MSI2: variants seen among roughly 807,000 people sequenced by gnomAD.
The protein encoded by MSI2 is RNA-binding protein Musashi homolog 2.
Under a neutral mutation model 45.6 loss-of-function variants are expected in MSI2, and 17 were observed. The observed-to-expected ratio is 0.37, with a 90% CI of 0.26 to 0.56. The LOEUF (loss-of-function observed/expected upper bound fraction) is 0.56. MSI2 is among the 20% of genes least tolerant of loss of function. The pLI, the probability that MSI2 is intolerant of heterozygous loss-of-function variation, is 0.77. For synonymous variants in MSI2, 156 were observed against 158.2 expected, an observed-to-expected ratio of 0.99 and a Z score of 0.11; for missense variants, 293 against 444.2, an observed-to-expected ratio of 0.66 and a Z score of 3.06.
At chr17:57,525,577 G>A (rs2086680342) in intron 6 of MSI2, among the ~76,000 whole-genome samples, 1 of 152,132 alleles carries the variant, frequency 6.6e-6, no homozygotes, top group South Asian at 2.1e-4. Flanking sequence ...ACATGAGCCA[G>A]CATATCCGGC....
chr17:57,562,720 A>G (rs1183876418), intron 7 of MSI2, among the ~76,000 whole-genome samples: 1 of 152,244 alleles, frequency 6.6e-6, no homozygotes, highest in African/African-American at 2.4e-5. Flanking sequence ...GTGGCTAACA[A>G]ATCAGATCCT....
At chr17:57,658,360 C>T (rs887958018) in intron 11 of MSI2, among the ~76,000 whole-genome samples, 4 of 152,230 alleles carry the variant, frequency 2.6e-5, no homozygotes, top group African/African-American at 7.2e-5. Flanking sequence ...TCTCAGTCTA[C>T]TGCCATGTGT....
Position 57,308,952 on chromosome 17 carries a change from G to A in MSI2, c.312+46760G>A, listed in dbSNP as rs369546989. On this transcript the variant is annotated intron_variant, in intron 5 of 13. Coordinates refer to ENST00000284073, the MANE Select transcript of MSI2 (RefSeq NM_138962.4). ...TGGAGGAAACTGAGTTCAGTTACTCGTGCAAGGCCACAGAGCTGTCACCTG... is the reference window on the plus strand; with the variant it reads ...TGGAGGAAACTGAGTTCAGTTACTCATGCAAGGCCACAGAGCTGTCACCTG... Among the ~76,000 whole-genome samples the A allele has an allele frequency of 1.6e-4, 25 of 152,222 alleles. No individual in the cohort carries two copies. The South Asian group carries it at 3.7e-3, about 23-fold the overall frequency.
At chr17:57,327,611 C>T (rs1913912274) in intron 5 of MSI2, among the ~76,000 whole-genome samples, 1 of 152,148 alleles carries the variant, frequency 6.6e-6, no homozygotes. Context: ...GGGCCCCAAT[C>T]CTTTGCTCCT....
At chr17:57,645,706 G>T (rs985378041) in intron 10 of MSI2, among the ~76,000 whole-genome samples, 1 of 151,916 alleles carries the variant, frequency 6.6e-6, no homozygotes, top group Admixed American at 6.6e-5. Context: ...TCTCCCAAAG[G>T]CATGAGACAC....
intron 5 of MSI2, among the ~76,000 whole-genome samples, chr17:57,276,016 T>C (rs1369435068): frequency 6.6e-6 from 1 of 152,092 alleles, no homozygotes; most frequent in African/African-American, 2.4e-5. Flanking sequence ...AGCATCTCTT[T>C]GGGAAGGGCT....
intron 5 of MSI2, among the ~76,000 whole-genome samples, chr17:57,399,599 G>A (rs146023970): frequency 0.068 from 10,212 of 150,074 alleles, 248 homozygotes; most frequent in African/African-American, 0.11. Flanking sequence ...TGGAGTCTAC[G>A]AGCTCCAAGT....
rs1041913263 is a variant in MSI2 at position 57,652,444 on chromosome 17, T to C, written c.790+283T>C. ...ACAAACCTGAGTTTCTTTTTGACTT[T>C]GACCATCCCGTCACCTGACAGCTAG... is the stretch of plus-strand genomic sequence containing the variant. On this transcript the variant is annotated intron_variant, in intron 11 of 13. Coordinates refer to ENST00000284073, the MANE Select transcript of MSI2 (RefSeq NM_138962.4). This position sits in a 1 kb window ranked among gnomAD's most constrained non-coding sequence, Gnocchi z 4.1. 6.6e-6 allele frequency among the ~76,000 whole-genome samples: 1 copy of C among 152,220 alleles called. No homozygotes were observed. The highest frequency in any genetic ancestry group is 2.1e-4 in the South Asian group (1 of 4,834).
chr17:57,340,339 AAAG>A lies in MSI2; in HGVS notation c.313-61039_313-61037del, dbSNP rs147889697. Among the ~76,000 whole-genome samples the A allele has an allele frequency of 8.0e-3, 1,218 of 152,302 alleles. 9 individuals are homozygous for A. Among genetic ancestry groups the A allele is most frequent in the Non-Finnish European group, 0.012 (848 of 68,020 alleles). Reference sequence around the variant, plus strand: ...ACTTAACCCTTTTGCCAGTACAGCCAAAGGTTCATTTCCCAGAGCCTCCACTTC... The same window carrying A: ...ACTTAACCCTTTTGCCAGTACAGCCAGTTCATTTCCCAGAGCCTCCACTTC... On this transcript the variant is annotated intron_variant, in intron 5 of 13. Transcript: ENST00000284073.
intron 5 of MSI2, among the ~76,000 whole-genome samples, chr17:57,371,923 C>A (rs972085363): frequency 1.1e-4 from 17 of 150,688 alleles, no homozygotes; most frequent in African/African-American, 4.1e-4. Context: ...ATATAATCTC[C>A]TTTACAATAT....
intron 6 of MSI2, among the ~76,000 whole-genome samples, chr17:57,416,652 G>T (rs2084300015): frequency 6.6e-6 from 1 of 151,974 alleles, no homozygotes; most frequent in African/African-American, 2.4e-5. Context: ...TGCCCTTTTT[G>T]GGGGTGCTTA....
chr17:57,434,284 G>A (rs1024577143), intron 6 of MSI2, among the ~76,000 whole-genome samples: 1 of 152,148 alleles, frequency 6.6e-6, no homozygotes, highest in Non-Finnish European at 1.5e-5. Context: ...TATTTTGGTA[G>A]AGACAGGGTT....
chr17:57,413,633 G>C (rs2084238624), intron 6 of MSI2, among the ~76,000 whole-genome samples: 2 of 151,740 alleles, frequency 1.3e-5, no homozygotes, highest in Admixed American at 6.6e-5. Context: ...TGCCTCCTGG[G>C]AGAGCTTTTC....
intron 7 of MSI2, among the ~76,000 whole-genome samples, chr17:57,539,380 A>G (rs1167677666): frequency 6.6e-6 from 1 of 151,890 alleles, no homozygotes; most frequent in Admixed American, 6.6e-5. Flanking sequence ...ACAACGTGAA[A>G]GAGACTTTTT....
intron 11 of MSI2, among the ~76,000 whole-genome samples, chr17:57,674,301 A>C (rs1266261440): frequency 6.6e-6 from 1 of 151,020 alleles, no homozygotes; most frequent in Non-Finnish European, 1.5e-5. Context: ...TGGGATGGAG[A>C]ATGGAGATCT....
chr17:57,408,090 GTGAACTTTTCCTCCA>G (rs1241661696), intron 6 of MSI2, among the ~76,000 whole-genome samples: 1 of 152,176 alleles, frequency 6.6e-6, no homozygotes, highest in Non-Finnish European at 1.5e-5. Context: ...TGTTTTCCTG[GTGAACTTTTCCTCCA>G]TAGACTGATT....
intron 5 of MSI2, among the ~76,000 whole-genome samples, chr17:57,339,269 G>A (rs920790662): frequency 6.6e-6 from 1 of 152,142 alleles, no homozygotes; most frequent in Non-Finnish European, 1.5e-5. Flanking sequence ...CAGGGGGTCG[G>A]CATATTTAGA....
intron 6 of MSI2, among the ~76,000 whole-genome samples, chr17:57,430,350 C>T (rs2084571733): frequency 6.6e-6 from 1 of 152,092 alleles, no homozygotes; most frequent in Non-Finnish European, 1.5e-5. Flanking sequence ...CTCAGTCCGC[C>T]TTCTTTCTCT....
chr17:57,314,360 A>C (rs1912662452), intron 5 of MSI2, among the ~76,000 whole-genome samples: 1 of 152,092 alleles, frequency 6.6e-6, no homozygotes, highest in African/African-American at 2.4e-5. Context: ...AGATGGTAGG[A>C]GTTTTTCAAG....
Sources: gnomAD v4.1 joint callset for allele counts (sites outside exome capture counted in the v4.1 genomes callset) on GRCh38, gnomAD v4.1.1 for gene constraint, Gnocchi (gnomAD v3.1) non-coding constraint, MANE v1.5 for transcripts, NCBI Gene and HGNC (gene_info 2026-07-23, HGNC 2026-07-21) for gene names.